VWA3B: variants seen among roughly 807,000 people sequenced by gnomAD.
The protein encoded by VWA3B is von Willebrand factor A domain-containing protein 3B.
In VWA3B, 138 loss-of-function variants were observed where a neutral mutation model predicts 158.3. The ratio of observed to expected loss-of-function variants is 0.87; its 90% CI spans 0.76 to 1.00. The LOEUF is 1.00. Among genes scored for constraint, VWA3B ranks in the 50% least tolerant of loss-of-function variants. The pLI is 0.00. For missense variants in VWA3B, 1,555 were observed against 1,565.1 expected (o/e 0.99, Z 0.11); for synonymous variants, 596 against 587.3 (o/e 1.01, Z -0.21).
rs745816091 is a variant in VWA3B at position 98,162,957 on chromosome 2, C to A, written c.1095C>A (p.Asp365Glu). 6.2e-7 allele frequency: 1 copy of A among 1,614,146 alleles called. No homozygotes were observed. Among genetic ancestry groups the A allele is most frequent in the East Asian group, 2.2e-5 (1 of 44,878 alleles). The change falls in exon 8 of 28, where the codon GAC becomes GAA. Residue 365 changes from aspartate to glutamate, a missense_variant. Coordinates refer to ENST00000477737, the MANE Select transcript of VWA3B (RefSeq NM_144992.5). ...TGGTGGCCGAGCCTCCCAAGCCCGA[C>A]GTGGCCACTGTGGACTGCGGTTGGT... ...QRLVAEPPKP[D>E]VATVDCESET...
At chr2:98,155,800 G>A (rs1307706434) in intron 7 of VWA3B, among the ~76,000 whole-genome samples, 1 of 152,122 alleles carries the variant, frequency 6.6e-6, no homozygotes, top group Admixed American at 6.5e-5. Flanking sequence ...CAGGGGAAAG[G>A]GAGTGCTGCC....
chr2:98,093,092 G>A lies in VWA3B; in HGVS notation c.-1G>A. ...GCTGTGACTTAGATCTTGATTCAGA[G>A]ATGGAGAAATCAGGCCCATCTTCTA... On this transcript the variant is annotated 5_prime_UTR_variant, in exon 2 of 28. Coordinates refer to ENST00000477737, the MANE Select transcript of VWA3B (RefSeq NM_144992.5). 1 of 1,613,302 alleles carries A rather than the reference G, an allele frequency of 6.2e-7. No individual in the cohort carries two copies. Among genetic ancestry groups the A allele is most frequent in the Non-Finnish European group, 8.5e-7 (1 of 1,179,478 alleles).
At chr2:98,145,547 G>T (rs546722843) in intron 7 of VWA3B, among the ~76,000 whole-genome samples, 1 of 152,274 alleles carries the variant, frequency 6.6e-6, no homozygotes, top group African/African-American at 2.4e-5. Flanking sequence ...TATCTGTCTG[G>T]TGTATCTCCT....
chr2:98,116,609 C>T (rs6714507), intron 3 of VWA3B, among the ~76,000 whole-genome samples: 1 of 152,110 alleles, frequency 6.6e-6, no homozygotes, highest in Admixed American at 6.5e-5. Context: ...CGGGTCCGAG[C>T]GATCCTCCCA....
chr2:98,146,054 T>C (rs561025190), intron 7 of VWA3B, among the ~76,000 whole-genome samples: 1 of 152,192 alleles, frequency 6.6e-6, no homozygotes, highest in African/African-American at 2.4e-5. Context: ...TTTTTTTTTA[T>C]ATTTCATCTT....
chr2:98,301,052 A>G (rs968133269), intron 25 of VWA3B, among the ~76,000 whole-genome samples: 3 of 152,156 alleles, frequency 2.0e-5, no homozygotes, highest in African/African-American at 7.2e-5. Flanking sequence ...GCAATTTGGG[A>G]GGCTGAGGTG....
At chr2:98,295,469 G>A (rs1406106722) in intron 23 of VWA3B, among the ~76,000 whole-genome samples, 1 of 152,182 alleles carries the variant, frequency 6.6e-6, no homozygotes, top group South Asian at 2.1e-4. Flanking sequence ...GCCTCCATAG[G>A]AGCACAGGCC....
intron 7 of VWA3B, among the ~76,000 whole-genome samples, chr2:98,139,281 T>A (rs1035313685): frequency 6.6e-6 from 1 of 152,132 alleles, no homozygotes; most frequent in Admixed American, 6.5e-5. Flanking sequence ...ACCTGAGCCT[T>A]CCCCCGCCTC....
intron 7 of VWA3B, among the ~76,000 whole-genome samples, chr2:98,149,457 G>C (rs1677438017): frequency 6.6e-6 from 1 of 152,184 alleles, no homozygotes; most frequent in African/African-American, 2.4e-5. Flanking sequence ...TTTCTCATTG[G>C]CCGCTTGATG....
chr2:98,297,174 CG>C (rs1193763527), intron 23 of VWA3B, among the ~76,000 whole-genome samples: 3 of 152,062 alleles, frequency 2.0e-5, no homozygotes, highest in Non-Finnish European at 2.9e-5. Flanking sequence ...CTCCACCTCC[CG>C]GGTTCAAGCG....
chr2:98,134,681 C>A (rs894746274), intron 7 of VWA3B, among the ~76,000 whole-genome samples: 3 of 151,946 alleles, frequency 2.0e-5, no homozygotes, highest in Non-Finnish European at 2.9e-5. Context: ...AGCTCACCCC[C>A]ACTCTCCCTC....
At chr2:98,310,919 T>A (rs1341879570) in intron 26 of VWA3B, among the ~76,000 whole-genome samples, 1 of 152,266 alleles carries the variant, frequency 6.6e-6, no homozygotes, top group Non-Finnish European at 1.5e-5. Flanking sequence ...CACAAGGGAT[T>A]TGAATGGTGG....
rs573980023 is a variant in VWA3B, at chr2:98,189,843, C to T, written c.1466+1714C>T. 3.5e-4 allele frequency among the ~76,000 whole-genome samples: 53 copies of T among 152,132 alleles called. No individual in the cohort carries two copies. In the East Asian group the frequency reaches 5.8e-3, roughly 17 times the overall value. ...TTTATATGTCTGGTAATATTCCTTG[C>T]TCTGAAATTTACTTTGATAGCAGTT... On this transcript the variant is annotated intron_variant, in intron 10 of 27. Transcript: ENST00000477737.
At chr2:98,231,536 C>G (rs1685333754) in intron 16 of VWA3B, among the ~76,000 whole-genome samples, 3 of 152,146 alleles carry the variant, frequency 2.0e-5, no homozygotes, top group Non-Finnish European at 2.9e-5. Context: ...GATGCTGAAG[C>G]AATATCTACA....
intron 2 of VWA3B, among the ~76,000 whole-genome samples, chr2:98,109,725 A>C (rs944724591): frequency 3.3e-5 from 5 of 151,090 alleles, no homozygotes; most frequent in African/African-American, 1.2e-4. Flanking sequence ...TTGTCTGAGA[A>C]TGTCTTTATT....
At chr2:98,100,153 A>G (rs781733674) in intron 2 of VWA3B, among the ~76,000 whole-genome samples, 1 of 152,192 alleles carries the variant, frequency 6.6e-6, no homozygotes, top group Non-Finnish European at 1.5e-5. Context: ...TTGTACATCA[A>G]TGTCTGCATT....
At chr2:98,109,496 T>A (rs902631747) in intron 2 of VWA3B, among the ~76,000 whole-genome samples, 2 of 152,202 alleles carry the variant, frequency 1.3e-5, no homozygotes, top group African/African-American at 4.8e-5. Flanking sequence ...ACATTGAGAA[T>A]TACATTAGAC....
At chr2:98,145,356 C>A (rs1677095942) in intron 7 of VWA3B, among the ~76,000 whole-genome samples, 1 of 152,194 alleles carries the variant, frequency 6.6e-6, no homozygotes, top group Non-Finnish European at 1.5e-5. Context: ...CATAACATAC[C>A]CCCATGGAGT....
intron 26 of VWA3B, among the ~76,000 whole-genome samples, chr2:98,311,509 G>C (rs1690890837): frequency 6.6e-6 from 1 of 152,208 alleles, no homozygotes; most frequent in Non-Finnish European, 1.5e-5. Context: ...GCGGACACAG[G>C]TCTATGCTGA....
Sources: allele counts gnomAD v4.1 joint callset (sites outside exome capture counted in the v4.1 genomes callset), GRCh38; gene constraint gnomAD v4.1.1; transcripts MANE v1.5; gene names NCBI Gene and HGNC (gene_info 2026-07-23, HGNC 2026-07-21).